The following CALCR variants were observed in gnomAD, a reference collection of about 807,000 sequenced individuals.
CALCR encodes the protein calcitonin receptor.
A neutral mutation model predicts 59.5 loss-of-function variants in CALCR; 47 were observed. The ratio of observed to expected loss-of-function variants is 0.79; its 90% CI spans 0.63 to 1.01. CALCR has a LOEUF of 1.01. Among genes scored for constraint, CALCR ranks in the 50% least tolerant of loss-of-function variants. The probability of loss-of-function intolerance (pLI) is 0.00; values close to 1 mark genes in which losing one functional copy is unlikely to be tolerated. For missense variants in CALCR, 566 were observed against 597.1 expected, an observed-to-expected ratio of 0.95 and a Z score of 0.54; for synonymous variants, 213 against 211.3, an observed-to-expected ratio of 1.01 and a Z score of -0.07.
chr7:93,486,546 C>T lies in CALCR; in HGVS notation c.51+385G>A, dbSNP rs929499872. 3.3e-5 allele frequency among the ~76,000 whole-genome samples: 5 copies of T among 151,252 alleles called. No homozygotes were observed. In the South Asian group the frequency reaches 8.3e-4, roughly 25 times the overall value. ...CAGATGTTTTAAAAGGATTGAACAG[C>T]CCAGAAACTATCATTCAAATCATAG... is the stretch of plus-strand genomic sequence containing the variant. On this transcript the variant is annotated intron_variant, in intron 3 of 13. Transcript: ENST00000426151.
intron 8 of CALCR, among the ~76,000 whole-genome samples, chr7:93,445,210 A>C (rs921691066): frequency 2.6e-5 from 4 of 152,056 alleles, no homozygotes; most frequent in African/African-American, 9.7e-5. Context: ...CCTCCCCGCC[A>C]TCTGATTACC....
chr7:93,459,158 G>A (rs1584551722), intron 8 of CALCR, among the ~76,000 whole-genome samples: 1 of 152,140 alleles, frequency 6.6e-6, no homozygotes. Flanking sequence ...TGGTTACTTG[G>A]TATCACAGCA....
At chr7:93,543,678 CA>C (rs1789205913) in intron 2 of CALCR, among the ~76,000 whole-genome samples, 2 of 152,062 alleles carry the variant, frequency 1.3e-5, no homozygotes, top group African/African-American at 2.4e-5. Context: ...CACACACACA[CA>C]CCTAAGAATG....
At chr7:93,511,806 A>C (rs1801552473) in intron 2 of CALCR, among the ~76,000 whole-genome samples, 1 of 152,210 alleles carries the variant, frequency 6.6e-6, no homozygotes, top group Non-Finnish European at 1.5e-5. Flanking sequence ...ATAAAGAAGC[A>C]AATGGAAATT....
chr7:93,563,961 G>T (rs1360925158), intron 2 of CALCR, among the ~76,000 whole-genome samples: 1 of 152,078 alleles, frequency 6.6e-6, no homozygotes. Context: ...TCGATAAAAG[G>T]CATAGAAAAT....
intron 13 of CALCR, among the ~76,000 whole-genome samples, chr7:93,432,693 C>T (rs894169024): frequency 7.2e-5 from 11 of 152,136 alleles, no homozygotes; most frequent in African/African-American, 7.2e-5. Flanking sequence ...GGTATTTTTA[C>T]GAATGCATGC....
intron 7 of CALCR, among the ~76,000 whole-genome samples, chr7:93,464,225 G>A (rs2299250): frequency 0.4 from 61,130 of 151,758 alleles, 13,018 homozygotes; most frequent in South Asian, 0.49. Flanking sequence ...AGTTTTGCCA[G>A]TTGACTAAAT....
rs966012417 is a variant in CALCR at position 93,524,295 on chromosome 7, G to A, written c.-26-37288C>T. Among the ~76,000 whole-genome samples, 3 of 150,518 alleles carry A rather than the reference G, an allele frequency of 2.0e-5. No individual in the cohort carries two copies. The Admixed American group carries it at 2.0e-4, about 10-fold the overall frequency. On this transcript the variant is annotated intron_variant, in intron 2 of 13. Transcript: ENST00000426151. ...CGCCATTCTCCTGCCTCAGCCTCCC[G>A]AGTAGCTGGGACTACAGGCGCCTGC...
At chr7:93,518,848 T>C (rs1584601819) in intron 2 of CALCR, among the ~76,000 whole-genome samples, 1 of 152,054 alleles carries the variant, frequency 6.6e-6, no homozygotes, top group East Asian at 1.9e-4. Flanking sequence ...CCATTCGTGT[T>C]TCTAATAAAC....
At chr7:93,473,422 T>G (rs993777311) in intron 5 of CALCR, among the ~76,000 whole-genome samples, 2 of 151,682 alleles carry the variant, frequency 1.3e-5, no homozygotes. Flanking sequence ...AAGCACTAAT[T>G]AAGCCTCTTA....
chr7:93,528,113 T>C (rs1272078569), intron 2 of CALCR, among the ~76,000 whole-genome samples: 1 of 152,162 alleles, frequency 6.6e-6, no homozygotes, highest in East Asian at 1.9e-4. Context: ...GTCCAAAAGG[T>C]AAGTGCATGT....
chr7:93,441,032 T>C (rs1799891465), intron 9 of CALCR, among the ~76,000 whole-genome samples: 2 of 152,038 alleles, frequency 1.3e-5, no homozygotes, highest in African/African-American at 2.4e-5. Flanking sequence ...GAATTGTTTA[T>C]GTGTTTTAAG....
At chr7:93,477,193 C>A (rs1032304189) in intron 5 of CALCR, among the ~76,000 whole-genome samples, 3 of 151,832 alleles carry the variant, frequency 2.0e-5, no homozygotes. Flanking sequence ...ATAGCTAATC[C>A]ATTTAGTTTC....
At chr7:93,569,082 T>C (rs1789939531) in intron 2 of CALCR, among the ~76,000 whole-genome samples, 1 of 151,812 alleles carries the variant, frequency 6.6e-6, no homozygotes, top group Admixed American at 6.6e-5. Context: ...ATTTCGTTTT[T>C]TTTTCTTTTC....
chr7:93,499,991 C>CA (rs1223705909), intron 2 of CALCR, among the ~76,000 whole-genome samples: 1 of 151,730 alleles, frequency 6.6e-6, no homozygotes, highest in Non-Finnish European at 1.5e-5. Context: ...GAATAAAGTA[C>CA]AACTGATTTT....
intron 5 of CALCR, among the ~76,000 whole-genome samples, chr7:93,476,879 C>A (rs1164066579): frequency 1.3e-5 from 2 of 151,884 alleles, no homozygotes; most frequent in Admixed American, 1.3e-4. Context: ...CTTCACATCC[C>A]AACTTTTCCA....
chr7:93,557,940 C>G (rs1053237837), intron 2 of CALCR, among the ~76,000 whole-genome samples: 3 of 151,932 alleles, frequency 2.0e-5, no homozygotes, highest in African/African-American at 7.2e-5. Context: ...AAGCAAGACC[C>G]TAACTCTTTT....
intron 9 of CALCR, among the ~76,000 whole-genome samples, chr7:93,438,670 C>A (rs536648126): frequency 1.3e-5 from 2 of 152,142 alleles, no homozygotes; most frequent in African/African-American, 2.4e-5. Context: ...TGACCTGGGA[C>A]GGTGTATGAA....
At chr7:93,541,300 A>T (rs1041929485) in intron 2 of CALCR, among the ~76,000 whole-genome samples, 4 of 151,948 alleles carry the variant, frequency 2.6e-5, no homozygotes, top group African/African-American at 9.7e-5. Flanking sequence ...CAACCTCCCG[A>T]GTAGCTGGGA....
Sources: gnomAD v4.1 joint callset for allele counts (sites outside exome capture counted in the v4.1 genomes callset) on GRCh38, gnomAD v4.1.1 for gene constraint, MANE v1.5 for transcripts, NCBI Gene and HGNC (gene_info 2026-07-23, HGNC 2026-07-21) for gene names.